The following UGT1A9 variants were observed in gnomAD, a reference collection of about 807,000 sequenced individuals.
UGT1A9 encodes the protein UDP glucuronosyltransferase family 1 member A9, also known as UDP-glucuronosyltransferase 1A9.
UGT1A9 carries 35 observed loss-of-function variants against 45.0 expected under a neutral mutation model. That is an observed-to-expected ratio of 0.78 (90% CI 0.59 to 1.03). The LOEUF (loss-of-function observed/expected upper bound fraction) is 1.03, where lower values mean the gene tolerates loss of function less well. Ranked by LOEUF, UGT1A9 falls within the 50% of genes least tolerant of loss-of-function variation. The pLI is 0.00. For synonymous variants in UGT1A9, 278 were observed against 250.6 expected, an observed-to-expected ratio of 1.11 and a Z score of -1.03; for missense variants, 687 against 666.6, an observed-to-expected ratio of 1.03 and a Z score of -0.34.
At chr2:233,718,697 C>G in intron 1 of UGT1A9, 1 of 1,595,942 alleles carries the variant, frequency 6.3e-7, no homozygotes, top group Non-Finnish European at 8.5e-7. Flanking sequence ...GAGGAGGGCA[C>G]TTTGTCTTCC....
chr2:233,771,766 C>T (rs1025155606), intron 4 of UGT1A9, among the ~76,000 whole-genome samples: 1 of 151,968 alleles, frequency 6.6e-6, no homozygotes, highest in African/African-American at 2.4e-5. Context: ...CTTCCTCCGT[C>T]CCTCTCTCCT....
At chr2:233,729,574 T>C (rs774879716) in intron 1 of UGT1A9, 3 of 1,614,162 alleles carry the variant, frequency 1.9e-6, no homozygotes, top group Non-Finnish European at 1.7e-6. Flanking sequence ...TGATGTGGTT[T>C]TAACAGACCC....
intron 1 of UGT1A9, chr2:233,756,147 T>C (rs1696132697): frequency 6.6e-6 from 1 of 152,212 alleles, no homozygotes; most frequent in Admixed American, 6.5e-5. Flanking sequence ...TTACTGGGGA[T>C]CCCTAGGATT....
At chr2:233,745,894 T>G (rs1160883177) in intron 1 of UGT1A9, among the ~76,000 whole-genome samples, 1 of 150,898 alleles carries the variant, frequency 6.6e-6, no homozygotes, top group African/African-American at 2.5e-5. Context: ...TGGGGTGGCG[T>G]TTTTCAGGGA....
intron 1 of UGT1A9, chr2:233,755,911 G>A (rs1696063109): frequency 6.6e-6 from 1 of 151,336 alleles, no homozygotes; most frequent in African/African-American, 2.4e-5. Context: ...AATGTAGTGA[G>A]AAGAGTGGCA....
At position 233,682,276 on chromosome 2, in the gene UGT1A9, C is replaced by T. The variant is rs149528133; in HGVS notation, c.855+9487C>T. ...CATTTTCTCTATTAACAAGTTCATC[C>T]AATGGTATTTTTGACTTATTTTTTT... On this transcript the variant is annotated intron_variant, in intron 1 of 4. Transcript: ENST00000354728. 6.4e-5 allele frequency: 104 copies of T among 1,614,166 alleles called. No homozygotes were observed. The African/African-American group carries it at 1.1e-3, about 17-fold the overall frequency.
At chr2:233,742,365 T>C (rs879560468) in intron 1 of UGT1A9, among the ~76,000 whole-genome samples, 1 of 151,994 alleles carries the variant, frequency 6.6e-6, no homozygotes, top group African/African-American at 2.4e-5. Flanking sequence ...AGCAGAAACA[T>C]GTCCTTAAGG....
intron 1 of UGT1A9, chr2:233,693,115 C>A: frequency 6.2e-7 from 1 of 1,614,176 alleles, no homozygotes; most frequent in Non-Finnish European, 8.5e-7. Flanking sequence ...AGGACGGAAG[C>A]CACTGGCTTA....
intron 1 of UGT1A9, among the ~76,000 whole-genome samples, chr2:233,681,705 C>T (rs2074535114): frequency 6.6e-6 from 1 of 152,008 alleles, no homozygotes; most frequent in Non-Finnish European, 1.5e-5. Flanking sequence ...GATCTGTCCC[C>T]AAGGCAAAGA....
At chr2:233,707,336 T>G (rs2075956257) in intron 1 of UGT1A9, among the ~76,000 whole-genome samples, 1 of 152,282 alleles carries the variant, frequency 6.6e-6, no homozygotes, top group East Asian at 1.9e-4. Context: ...CCATGGTGGT[T>G]TGCTGCCCAG....
chr2:233,726,353 T>C lies in UGT1A9; in HGVS notation c.856-40681T>C, dbSNP rs2077527034. Among the ~76,000 whole-genome samples the C allele has an allele frequency of 2.0e-5, 3 of 152,202 alleles. No individual in the cohort carries two copies. The South Asian group carries it at 6.2e-4, about 32-fold the overall frequency. ...CACCTGTGGTTTTTTGATTTATTTA[T>C]TTAAAACACAACAAAAACCAAAATT... On this transcript the variant is annotated intron_variant, in intron 1 of 4. Transcript: ENST00000354728.
chr2:233,698,244 A>G (rs951400538), intron 1 of UGT1A9, among the ~76,000 whole-genome samples: 3 of 152,206 alleles, frequency 2.0e-5, no homozygotes, highest in South Asian at 2.1e-4. Flanking sequence ...TCAAAATAGA[A>G]TTTCTTTTGT....
chr2:233,765,693 A>AAAT (rs1266056248), intron 1 of UGT1A9, among the ~76,000 whole-genome samples: 1 of 147,310 alleles, frequency 6.8e-6, no homozygotes, highest in African/African-American at 2.6e-5. Context: ...AACTTCAAGT[A>AAAT]AATAATAATA....
chr2:233,751,063 A>G (rs1291377665), intron 1 of UGT1A9, among the ~76,000 whole-genome samples: 4 of 152,012 alleles, frequency 2.6e-5, no homozygotes, highest in East Asian at 1.9e-4. Context: ...ACAGACACTC[A>G]ATGCCAGCCT....
rs796155377 is a variant in UGT1A9 at position 233,747,484 on chromosome 2, G to A, written c.856-19550G>A. ...TCATGGACCCAGGATGAATTTGATC[G>A]CCTTGTGCTGGGCCACACTCAACTG... On this transcript the variant is annotated intron_variant, in intron 1 of 4. Transcript: ENST00000354728. The A allele has an allele frequency of 6.3e-5, 101 of 1,608,658 alleles. 5 individuals are homozygous for A. The African/African-American group carries it at 1.1e-3, about 17-fold the overall frequency.
chr2:233,713,020 C>G (rs143190267), intron 1 of UGT1A9: 1 of 1,613,734 alleles, frequency 6.2e-7, no homozygotes, highest in South Asian at 1.1e-5. Context: ...GTTCCCCTGC[C>G]GCAGCTGGCC....
At chr2:233,771,398 A>G (rs1700304180) in intron 4 of UGT1A9, 1 of 152,164 alleles carries the variant, frequency 6.6e-6, no homozygotes, top group Non-Finnish European at 1.5e-5. Context: ...TGATTGGGCA[A>G]TGAACACTGT....
At chr2:233,690,639 A>T in intron 1 of UGT1A9, 1 of 1,287,678 alleles carries the variant, frequency 7.8e-7, no homozygotes, top group Non-Finnish European at 1.0e-6. Flanking sequence ...ACCTGAGGAC[A>T]CCTTGACTCC....
intron 1 of UGT1A9, among the ~76,000 whole-genome samples, chr2:233,690,060 C>T (rs1252081460): frequency 1.3e-5 from 2 of 152,154 alleles, no homozygotes; most frequent in African/African-American, 4.8e-5. Context: ...TTCTGCAGCC[C>T]CACCTCACAG....
Sources: gnomAD v4.1 joint callset for allele counts (sites outside exome capture counted in the v4.1 genomes callset) on GRCh38, gnomAD v4.1.1 for gene constraint, MANE v1.5 for transcripts, NCBI Gene and HGNC (gene_info 2026-07-23, HGNC 2026-07-21) for gene names.